WFDC5: variants seen among roughly 807,000 people sequenced by gnomAD.
The protein encoded by WFDC5 is WAP four-disulfide core domain protein 5.
In WFDC5, 15 loss-of-function variants were observed where a neutral mutation model predicts 15.7. The observed-to-expected ratio is 0.96, with a 90% confidence interval of 0.64 to 1.47. The LOEUF is 1.47. Ranked by LOEUF, WFDC5 falls within the 40% of genes most tolerant of loss-of-function variation. The pLI is 0.00. For synonymous variants in WFDC5, 109 were observed against 107.7 expected (o/e 1.01, Z -0.07); for missense variants, 280 against 258.0 (o/e 1.09, Z -0.59).
intron 1 of WFDC5, among the ~76,000 whole-genome samples, chr20:45,111,984 C>T (rs962539375): frequency 8.5e-5 from 13 of 152,200 alleles, no homozygotes; most frequent in Admixed American, 7.2e-4. Flanking sequence ...TCTGTGTCCG[C>T]CCCTCCCCCT....
chr20:45,113,576 C>A (rs1470891604), intron 1 of WFDC5, among the ~76,000 whole-genome samples: 1 of 152,194 alleles, frequency 6.6e-6, no homozygotes, highest in East Asian at 1.9e-4. Flanking sequence ...CTCGAGACAC[C>A]ATTTACTCCT....
chr20:45,110,442 A>G (rs1322656786), exon 3 of WFDC5: 1 of 1,613,176 alleles, frequency 6.2e-7, no homozygotes, highest in African/African-American at 1.3e-5. Flanking sequence ...GCGCTGTGGC[A>G]GCATCGCTTT....
At chr20:45,112,301 G>A (rs1362008604) in intron 1 of WFDC5, among the ~76,000 whole-genome samples, 1 of 152,226 alleles carries the variant, frequency 6.6e-6, no homozygotes, top group East Asian at 1.9e-4. Flanking sequence ...AAAGCCGGTG[G>A]AGCCGGGTGG....
chr20:45,114,862 T>A (rs1981713843), intron 1 of WFDC5, 137 bp downstream of exon 1: 2 of 824,922 alleles, frequency 2.4e-6, no homozygotes, highest in African/African-American at 3.4e-5. Context: ...CATCCACACA[T>A]ACACACACGC....
chr20:45,111,488 C>T (rs925572181), intron 1 of WFDC5, among the ~76,000 whole-genome samples: 2 of 152,148 alleles, frequency 1.3e-5, no homozygotes, highest in Non-Finnish European at 2.9e-5. Context: ...AAGTGAGGCC[C>T]AGCATTGCAC....
upstream of WFDC5, among the ~76,000 whole-genome samples, chr20:45,115,853 C>T (rs1284363182): frequency 6.6e-6 from 1 of 152,178 alleles, no homozygotes; most frequent in Non-Finnish European, 1.5e-5. Flanking sequence ...GGGACCCCCA[C>T]CTTAGATTTC....
exon 2 of WFDC5, chr20:45,110,658 C>T (rs370436377): frequency 4.8e-5 from 78 of 1,613,828 alleles, no homozygotes; most frequent in East Asian, 1.3e-4. Context: ...GACACACTGG[C>T]GGAAGCAAGC....
intron 1 of WFDC5, among the ~76,000 whole-genome samples, chr20:45,114,616 C>G (rs1364034876): frequency 6.6e-6 from 1 of 152,016 alleles, no homozygotes; most frequent in Non-Finnish European, 1.5e-5. Context: ...TGCAGCCATT[C>G]CTAAGTGTAC....
At position 45,114,976 on chromosome 20, in the gene WFDC5, GCAGAGGGATT is replaced by G. The variant is rs1981720334; in HGVS notation, c.85+13_85+22del. 1 of 1,611,282 alleles carries G rather than the reference GCAGAGGGATT, an allele frequency of 6.2e-7. No individual in the cohort carries two copies. Among genetic ancestry groups the G allele is most frequent in the East Asian group, 2.2e-5 (1 of 44,880 alleles). On this transcript the variant is annotated intron_variant, in intron 1 of 3. Transcript: ENST00000307971. Reference sequence around the variant, plus strand: ...AAGTAGAGACAATCTGGTCCCCCCAGCAGAGGGATTTCCCGCACTCACCTCCCTTCTTCCT... The same window carrying G: ...AAGTAGAGACAATCTGGTCCCCCCAGTCCCGCACTCACCTCCCTTCTTCCT...
intron 1 of WFDC5, among the ~76,000 whole-genome samples, chr20:45,114,673 G>A (rs1981708947): frequency 6.6e-6 from 1 of 151,850 alleles, no homozygotes; most frequent in Non-Finnish European, 1.5e-5. Context: ...AAAGACACAT[G>A]TCTACACAGA....
chr20:45,115,997 T>A (rs1266144392), upstream of WFDC5, among the ~76,000 whole-genome samples: 1 of 152,082 alleles, frequency 6.6e-6, no homozygotes, highest in Non-Finnish European at 1.5e-5. Context: ...GAGGAAACTG[T>A]GAGATAGAGA....
chr20:45,114,889 ACGCG>A lies in WFDC5; in HGVS notation c.85+106_85+109del, dbSNP rs137896112. ...CACACACGCACGCACGCACACACAC[ACGCG>A]CACACACACCCCACAGGGCATTACC... is the stretch of plus-strand genomic sequence containing the variant. On this transcript the variant is annotated intron_variant, in intron 1 of 3. Coordinates refer to ENST00000307971, the Ensembl canonical transcript of WFDC5. The A allele has an allele frequency of 1.3e-3, 1,386 of 1,038,660 alleles. 1 individual carries two copies. Among genetic ancestry groups the A allele is most frequent in the Non-Finnish European group, 1.7e-3 (1,200 of 725,530 alleles). 64.3% of individuals were successfully genotyped at this position (1,038,660 alleles called of 1,614,324 possible). A position where few individuals can be genotyped will look rare whatever the true frequency, so the allele number is the denominator to read the frequency against.
At chr20:45,110,159 G>T in intron 3 of WFDC5, 146 bp from the exon 4 acceptor site, 1 of 1,307,824 alleles carries the variant, frequency 7.6e-7, no homozygotes, top group Non-Finnish European at 1.0e-6. Flanking sequence ...GCAAACAGAA[G>T]CCCAGAGCAG....
At chr20:45,112,678 A>C (rs889164780) in intron 1 of WFDC5, among the ~76,000 whole-genome samples, 5 of 152,222 alleles carry the variant, frequency 3.3e-5, no homozygotes, top group Non-Finnish European at 7.3e-5. Flanking sequence ...CACACAGACG[A>C]TACACACATA....
exon 4 of WFDC5, chr20:45,109,739 G>A (rs1401435662): frequency 1.4e-6 from 1 of 718,260 alleles, no homozygotes; most frequent in Non-Finnish European, 2.6e-6. Context: ...GCGTTAGGAA[G>A]GGTGGGAAGC....
exon 4 of WFDC5, chr20:45,109,526 ATGG>A (rs1421421540): frequency 1.5e-5 from 8 of 544,138 alleles, no homozygotes; most frequent in Non-Finnish European, 2.6e-5. Context: ...CATTAAGTAA[ATGG>A]TGGTACAGGC....
intron 1 of WFDC5, among the ~76,000 whole-genome samples, chr20:45,111,172 G>A (rs971682615): frequency 6.6e-6 from 1 of 152,146 alleles, no homozygotes; most frequent in Non-Finnish European, 1.5e-5. Flanking sequence ...CCTTTGCCTA[G>A]TGCACTTCTC....
exon 4 of WFDC5, chr20:45,109,709 A>G: frequency 1.4e-6 from 1 of 713,580 alleles, no homozygotes; most frequent in South Asian, 1.5e-5. Flanking sequence ...AGGAAGCAGC[A>G]TGTACGGATT....
chr20:45,110,080 CCCAT>C, intron 3 of WFDC5, 67 bp from the exon 4 acceptor site: 1 of 1,568,296 alleles, frequency 6.4e-7, no homozygotes, highest in Non-Finnish European at 8.7e-7. Context: ...GCCTTGGTCT[CCCAT>C]CCATGCCCCA....
Sources: gnomAD v4.1 joint callset for allele counts (sites outside exome capture counted in the v4.1 genomes callset) on GRCh38, gnomAD v4.1.1 for gene constraint, MANE v1.5 for transcripts, NCBI Gene and HGNC (gene_info 2026-07-23, HGNC 2026-07-21) for gene names.